Variants in TMEM41B observed in about 807,000 individuals in gnomAD.
TMEM41B encodes the protein protein stasimon.
Under a neutral mutation model 31.9 loss-of-function variants are expected in TMEM41B, and 18 were observed. That is an observed-to-expected ratio of 0.56 (90% CI 0.39 to 0.84). The LOEUF (loss-of-function observed/expected upper bound fraction) is 0.84, where lower values mean the gene tolerates loss of function less well. Among genes scored for constraint, TMEM41B ranks in the 40% least tolerant of loss-of-function variants. TMEM41B has a pLI of 0.00. For synonymous variants in TMEM41B, 144 were observed against 124.3 expected, an observed-to-expected ratio of 1.16 and a Z score of -1.05; for missense variants, 322 against 348.0, an observed-to-expected ratio of 0.93 and a Z score of 0.59.
intron 1 of TMEM41B, among the ~76,000 whole-genome samples, chr11:9,304,664 A>ATT (rs569449114): frequency 4.1e-5 from 6 of 146,098 alleles, no homozygotes; most frequent in Non-Finnish European, 6.0e-5. Context: ...TAATTAATTA[A>ATT]TTTTTTTTTT....
At chr11:9,297,169 C>T (rs565583320) in intron 2 of TMEM41B, among the ~76,000 whole-genome samples, 1 of 152,282 alleles carries the variant, frequency 6.6e-6, no homozygotes, top group East Asian at 1.9e-4. Context: ...ACTGCAAGCT[C>T]CGCCTCCCAG....
chr11:9,289,728 T>C (rs1287895581), intron 3 of TMEM41B, among the ~76,000 whole-genome samples: 1 of 152,202 alleles, frequency 6.6e-6, no homozygotes, highest in East Asian at 1.9e-4. Flanking sequence ...ATAATAACTT[T>C]TTCTCAATAG....
Position 9,303,461 on chromosome 11 carries a change from T to G in TMEM41B, c.122-3760A>C, listed in dbSNP as rs552184726. Among the ~76,000 whole-genome samples the G allele has an allele frequency of 2.6e-5, 4 of 152,134 alleles. No homozygotes were observed. The South Asian group carries it at 8.3e-4, about 32-fold the overall frequency. ...AGTCTGCAAAGCATTTTAATATCTG[T>G]TTATAATTTACCTGTAATTTCTGTT... On this transcript the variant is annotated intron_variant, in intron 1 of 6. Transcript: ENST00000528080.
intron 2 of TMEM41B, among the ~76,000 whole-genome samples, chr11:9,298,059 G>A (rs1180332264): frequency 1.7e-5 from 1 of 58,342 alleles, no homozygotes; most frequent in African/African-American, 6.8e-5. Flanking sequence ...GCAAGACCCT[G>A]CCTCAAAAAA....
intron 5 of TMEM41B, 114 bp from the exon 6 acceptor site, chr11:9,286,707 T>C (rs1198182307): frequency 4.3e-5 from 48 of 1,118,532 alleles, no homozygotes; most frequent in Non-Finnish European, 4.9e-5. Flanking sequence ...GTATACCCAA[T>C]AGAAATGATC....
intron 1 of TMEM41B, among the ~76,000 whole-genome samples, chr11:9,312,193 G>C (rs1853575974): frequency 6.6e-6 from 1 of 152,114 alleles, no homozygotes; most frequent in Admixed American, 6.6e-5. Context: ...TCCTAGCCTG[G>C]AATACCCTTC....
intron 1 of TMEM41B, chr11:9,311,192 C>A: frequency 7.2e-7 from 1 of 1,388,794 alleles, no homozygotes. Flanking sequence ...AGCACAAGGG[C>A]TACTTTCCCC....
chr11:9,290,290 T>C (rs1231723108), intron 3 of TMEM41B, among the ~76,000 whole-genome samples: 2 of 152,026 alleles, frequency 1.3e-5, no homozygotes, highest in East Asian at 3.9e-4. Context: ...GGCAGGGGAA[T>C]CGCTTGAACC....
chr11:9,299,311 T>TAAC (rs1853183396), intron 2 of TMEM41B, among the ~76,000 whole-genome samples: 1 of 13,308 alleles, frequency 7.5e-5, no homozygotes, highest in African/African-American at 1.4e-4. Context: ...AAAAAGAAAG[T>TAAC]ATATATACAT....
At chr11:9,302,404 C>T (rs1853284789) in intron 1 of TMEM41B, among the ~76,000 whole-genome samples, 1 of 100,136 alleles carries the variant, frequency 1.0e-5, no homozygotes, top group Non-Finnish European at 2.1e-5. Context: ...AAAAGATGAG[C>T]TTCATTTTTA....
intron 3 of TMEM41B, 59 bp from the exon 4 acceptor site, chr11:9,288,594 G>A (rs1243536138): frequency 4.8e-6 from 6 of 1,242,922 alleles, no homozygotes; most frequent in East Asian, 5.0e-5. Context: ...AAAGACAAAT[G>A]TAACATTTCA....
At chr11:9,304,269 CCTAA>C (rs1285231696) in intron 1 of TMEM41B, among the ~76,000 whole-genome samples, 3 of 152,188 alleles carry the variant, frequency 2.0e-5, no homozygotes, top group East Asian at 3.9e-4. Context: ...ATAACAAATA[CCTAA>C]CTGTCATTAC....
At chr11:9,310,391 C>CA (rs34678272) in intron 1 of TMEM41B, among the ~76,000 whole-genome samples, 60,608 of 150,398 alleles carry the variant, frequency 0.4, 13,018 homozygotes, top group East Asian at 0.51. Context: ...AAAGATTAAA[C>CA]AAAAAAAAAC....
chr11:9,299,570 C>A lies in TMEM41B; in HGVS notation c.239+14G>T. The A allele has an allele frequency of 6.8e-7, 1 of 1,469,384 alleles. No homozygotes were observed. Among genetic ancestry groups the A allele is most frequent in the South Asian group, 1.2e-5 (1 of 86,032 alleles). 91.0% of individuals were successfully genotyped at this position (1,469,384 alleles called of 1,614,324 possible). A position where few individuals can be genotyped will look rare whatever the true frequency, so the allele number is the denominator to read the frequency against. The stretch of plus-strand genomic sequence containing the variant: ...ATATCTATACATTTTCAGTTTATCT[C>A]TCAGTATACTTACTCACTAAGCTGA... On this transcript the variant is annotated intron_variant, in intron 2 of 6. Transcript: ENST00000528080.
chr11:9,299,378 T>TACACAC (rs923969011), intron 2 of TMEM41B, among the ~76,000 whole-genome samples: 3 of 136,256 alleles, frequency 2.2e-5, no homozygotes, highest in Admixed American at 8.0e-5. Flanking sequence ...AATATACATA[T>TACACAC]ACACACACAC....
chr11:9,311,408 C>G, intron 1 of TMEM41B: 1 of 1,407,866 alleles, frequency 7.1e-7, no homozygotes, highest in Non-Finnish European at 1.0e-6. Flanking sequence ...TGCCAGGAGC[C>G]AAGGGACTCA....
chr11:9,305,668 T>C (rs773410856), intron 1 of TMEM41B, among the ~76,000 whole-genome samples: 4 of 152,164 alleles, frequency 2.6e-5, no homozygotes, highest in Non-Finnish European at 5.9e-5. Flanking sequence ...ATGCTACTTT[T>C]AAATCCATCT....
Position 9,283,461 on chromosome 11 carries a change from G to A in TMEM41B, c.839C>T (p.Ala280Val). ...CTGCTTTAGTTTTTTTTGGAAGATG[G>A]CTGGCAGAATAGAAAGAACAGCCAA... ...MILAVLSILPAIFQKKLKQKF... is the reference protein window; with the variant it reads ...MILAVLSILPVIFQKKLKQKF... Residue 280 changes from alanine to valine, a missense_variant, in exon 7 of 7, where the codon GCC (alanine) becomes GTC (valine). This residue lies in a region of TMEM41B where 92 missense variants were observed against 88.0 expected (regional missense o/e 1.05). Transcript: ENST00000528080. 6.2e-7 allele frequency: 1 copy of A among 1,602,220 alleles called. No individual in the cohort carries two copies. Among genetic ancestry groups the A allele is most frequent in the Non-Finnish European group, 8.5e-7 (1 of 1,176,998 alleles).
At position 9,286,649 on chromosome 11, in the gene TMEM41B, G is replaced by T. The variant is rs538076990; in HGVS notation, c.568-56C>A. On this transcript the variant is annotated intron_variant, in intron 5 of 6. Coordinates refer to ENST00000528080, the MANE Select transcript of TMEM41B (RefSeq NM_015012.4). The stretch of plus-strand genomic sequence containing the variant: ...GATGAGGACAACTTCAAAATAAGTT[G>T]CTTAATATAAACACCTTATTTCAAA... 1.2e-5 allele frequency: 19 copies of T among 1,522,356 alleles called. No individual in the cohort carries two copies. The Admixed American group carries it at 2.9e-4, about 24-fold the overall frequency. 94.3% of individuals were successfully genotyped at this position (1,522,356 alleles called of 1,614,324 possible).
Sources: allele counts gnomAD v4.1 joint callset (sites outside exome capture counted in the v4.1 genomes callset), GRCh38; gene constraint gnomAD v4.1.1; regional missense constraint gnomAD v4.1.1; transcripts MANE v1.5; gene names NCBI Gene and HGNC (gene_info 2026-07-23, HGNC 2026-07-21).